KIF24: variants seen among roughly 807,000 people sequenced by gnomAD.
KIF24 encodes kinesin family member 24, also known as kinesin-like protein KIF24.
In KIF24, 81 loss-of-function variants were observed where a neutral mutation model predicts 118.9. That is an observed-to-expected ratio of 0.68 (90% CI 0.57 to 0.82). The LOEUF is 0.82. Ranked by LOEUF, KIF24 falls within the 40% of genes least tolerant of loss-of-function variation. The pLI is 0.00. For synonymous variants in KIF24, 599 were observed against 610.0 expected (o/e 0.98, Z 0.27); for missense variants, 1,560 against 1,661.6 (o/e 0.94, Z 1.06).
intron 6 of KIF24, among the ~76,000 whole-genome samples, chr9:34,275,649 G>A (rs1274855713): frequency 2.0e-5 from 3 of 151,798 alleles, no homozygotes; most frequent in Admixed American, 1.3e-4. Context: ...GACCGTCCTG[G>A]CTAACATGGT....
In KIF24 at chr9:34,318,291, G is replaced by A. The variant is rs60277674; in HGVS notation, c.-25-6920C>T. Reference sequence around the variant, plus strand: ...GGCTATAGAAGAGTAGAATCGTGTCGCGGCTCGAGAGCGAGACTCCCGTCT... The same window carrying A: ...GGCTATAGAAGAGTAGAATCGTGTCACGGCTCGAGAGCGAGACTCCCGTCT... On this transcript the variant is annotated intron_variant, in intron 1 of 12. Transcript: ENST00000402558. This position sits in a 1 kb window ranked among gnomAD's most constrained non-coding sequence, Gnocchi z 4.9. The A allele has an allele frequency of 1.2e-4, 64 of 553,728 alleles. 3 individuals carry two copies. Among genetic ancestry groups the A allele is most frequent in the South Asian group, 9.6e-4 (47 of 49,046 alleles). 34.3% of individuals were successfully genotyped at this position (553,728 alleles called of 1,614,324 possible).
At position 34,269,346 on chromosome 9, in the gene KIF24, A is replaced by C. The variant is rs752724092; in HGVS notation, c.1354T>G (p.Leu452Val). Residue 452 changes from leucine (L) to valine (V), a missense_variant, in exon 8 of 13, where the codon TTG (leucine) becomes GTG (valine). Physicochemically the swap from Leu to Val is conservative, Grantham distance 32 (BLOSUM62 1). Around this residue, in one of 3 missense-constraint regions of KIF24, gnomAD observed 964 missense variants for 988.0 expected, o/e 0.98. Coordinates refer to ENST00000402558, the MANE Select transcript of KIF24 (RefSeq NM_194313.4). The stretch of plus-strand genomic sequence containing the variant: ...TCTGCTGCTCTTTCACTGCCAGCCA[A>C]GTCAATAAAAGAGATCCTAGAGAAA... ...RTFGRISFIDLAGSERAADAR... is the reference protein window; with the variant it reads ...RTFGRISFIDVAGSERAADAR... 1.3e-6 allele frequency: 2 copies of C among 1,595,278 alleles called. No homozygotes were observed. Among genetic ancestry groups the C allele is most frequent in the South Asian group, 1.1e-5 (1 of 90,284 alleles).
rs1834869549 is a variant in KIF24 at position 34,256,908 on chromosome 9, T to C, written c.2699A>G (p.Asn900Ser). Residue 900 changes from asparagine (N) to serine (S), a missense_variant, in exon 11 of 13, where the codon AAC becomes AGC. Around this residue, in one of 3 missense-constraint regions of KIF24, gnomAD observed 591 missense variants for 655.6 expected, o/e 0.90. Coordinates refer to ENST00000402558, the MANE Select transcript of KIF24 (RefSeq NM_194313.4). ...GTGATCGAGTGCTGCTCTTCTGTGG[T>C]TTATGGGGTCCCTGGAGTCCACCCA... ...KSWVDSRDPI[N>S]HRRAALDHSC... The C allele has an allele frequency of 6.2e-7, 1 of 1,613,958 alleles. No homozygotes were observed. Among genetic ancestry groups the C allele is most frequent in the Non-Finnish European group, 8.5e-7 (1 of 1,179,890 alleles).
At chr9:34,313,498 T>C (rs1837234918) in intron 1 of KIF24, among the ~76,000 whole-genome samples, 1 of 151,352 alleles carries the variant, frequency 6.6e-6, no homozygotes, top group South Asian at 2.1e-4. Context: ...TTATTATTAT[T>C]ATTATTATTT....
At chr9:34,259,270 ACTGAG>A (rs1244973643) in intron 10 of KIF24, among the ~76,000 whole-genome samples, 2 of 152,206 alleles carry the variant, frequency 1.3e-5, no homozygotes, top group Non-Finnish European at 2.9e-5. Flanking sequence ...AGAAAACAAC[ACTGAG>A]CCTTCCACCC....
chr9:34,288,653 G>T (rs1482833793), intron 5 of KIF24, among the ~76,000 whole-genome samples: 1 of 151,946 alleles, frequency 6.6e-6, no homozygotes, highest in Non-Finnish European at 1.5e-5. Flanking sequence ...CACAGGCCAT[G>T]ACACTTGTAG....
chr9:34,283,052 CA>C (rs33926979), intron 6 of KIF24, among the ~76,000 whole-genome samples: 2,957 of 68,916 alleles, frequency 0.043, 69 homozygotes, highest in African/African-American at 0.11. Context: ...AACTCCGTCT[CA>C]AAAAAAAAAA....
intron 1 of KIF24, among the ~76,000 whole-genome samples, chr9:34,320,266 A>G (rs7867248): frequency 0.75 from 112,512 of 150,490 alleles, 42,779 homozygotes; most frequent in East Asian, 0.95. Flanking sequence ...GGGGGAACAT[A>G]AGCCTTTGTT....
rs1333785975 is a variant in KIF24 at position 34,259,597 on chromosome 9, G to A, written c.1624C>T (p.Arg542Trp). 7.4e-6 allele frequency: 12 copies of A among 1,611,408 alleles called. No individual in the cohort carries two copies. The highest frequency in any genetic ancestry group is 4.5e-5 in the East Asian group (2 of 44,868). ...HTLNTLRYAD[R>W]VKELKKGIKC... is the part of the protein sequence containing the mutation. ...CCTGCCATCTGGGAGCTGACTTACC[G>A]GTCAGCATAGCGCAAGGTGTTGAGA... Residue 542 changes from arginine (R) to tryptophan (W), a missense_variant and splice_region_variant, in exon 10 of 13, where the codon CGG becomes TGG. Physicochemically the swap from Arg to Trp is moderately radical, Grantham distance 101. Transcript: ENST00000402558.
intron 1 of KIF24, among the ~76,000 whole-genome samples, chr9:34,312,150 C>CATCA (rs1296295136): frequency 1.3e-5 from 2 of 152,180 alleles, no homozygotes; most frequent in Non-Finnish European, 1.5e-5. Context: ...GTAAAGACAT[C>CATCA]ATCAATTCAG....
Position 34,291,559 on chromosome 9 carries a change from C to T in KIF24, c.912-1170G>A, listed in dbSNP as rs924409470. Among the ~76,000 whole-genome samples the T allele has an allele frequency of 2.0e-5, 3 of 152,120 alleles. No homozygotes were observed. In the East Asian group the frequency reaches 5.8e-4, roughly 29 times the overall value. ...GCTCTTGTATGTGGTTACATGTGTG[C>T]GTACACACCCTTTATGAGTGTGAAG... On this transcript the variant is annotated intron_variant, in intron 4 of 12. Coordinates refer to ENST00000402558, the MANE Select transcript of KIF24 (RefSeq NM_194313.4).
At chr9:34,320,658 CAAAAAAA>C (rs68048466) in intron 1 of KIF24, among the ~76,000 whole-genome samples, 4 of 54,442 alleles carry the variant, frequency 7.3e-5, no homozygotes, top group South Asian at 1.0e-3. Flanking sequence ...AACTCCTTCT[CAAAAAAA>C]AAAAAAAAAA....
intron 1 of KIF24, among the ~76,000 whole-genome samples, chr9:34,313,486 TA>T (rs1837234257): frequency 6.6e-6 from 1 of 150,524 alleles, no homozygotes; most frequent in Admixed American, 6.6e-5. Flanking sequence ...TAGAAATTAT[TA>T]TTATTATTAT....
At chr9:34,287,545 T>C (rs896998948) in intron 5 of KIF24, among the ~76,000 whole-genome samples, 3 of 152,164 alleles carry the variant, frequency 2.0e-5, no homozygotes, top group Non-Finnish European at 4.4e-5. Flanking sequence ...AGATACTGAT[T>C]AGGGTTAAGA....
chr9:34,293,811 T>C (rs35618837), intron 4 of KIF24, among the ~76,000 whole-genome samples: 19,432 of 152,164 alleles, frequency 0.13, 1,722 homozygotes, highest in Non-Finnish European at 0.18. Flanking sequence ...TCATCAGGCA[T>C]TGGAGAAACT....
rs1554666572 is a variant in KIF24, at chr9:34,311,765, T to TACATATATAC, written c.-25-395_-25-394insGTATATATGT. On this transcript the variant is annotated intron_variant, in intron 1 of 12. Coordinates refer to ENST00000402558, the MANE Select transcript of KIF24 (RefSeq NM_194313.4). ...ATATATACGTATATATGTGTATATA[T>TACATATATAC]ACATATATATACACATATATATACA... Among the ~76,000 whole-genome samples the TACATATATAC allele has an allele frequency of 9.0e-5, 13 of 145,110 alleles. No homozygotes were observed. In the East Asian group the frequency reaches 1.0e-3, roughly 11 times the overall value.
intron 4 of KIF24, among the ~76,000 whole-genome samples, chr9:34,292,400 G>A (rs182576978): frequency 6.6e-6 from 1 of 151,452 alleles, no homozygotes; most frequent in East Asian, 1.9e-4. Context: ...TTTGCTCTCA[G>A]ATCTTACCCT....
Position 34,293,361 on chromosome 9 carries a change from TC to T in KIF24, c.912-2973del, listed in dbSNP as rs1428266037. On this transcript the variant is annotated intron_variant, in intron 4 of 12. Transcript: ENST00000402558. ...CAGGTGTGGTGGCACACGCCTACAATCCCAGCTACTAGGGTGGCTGAGGCAC... is the reference window on the plus strand; with the variant it reads ...CAGGTGTGGTGGCACACGCCTACAATCCAGCTACTAGGGTGGCTGAGGCAC... Among the ~76,000 whole-genome samples the T allele has an allele frequency of 2.0e-5, 3 of 150,442 alleles. No homozygotes were observed. In the Admixed American group the frequency reaches 2.0e-4, roughly 10 times the overall value.
chr9:34,267,829 G>C (rs1010573290), intron 8 of KIF24, among the ~76,000 whole-genome samples: 9 of 152,156 alleles, frequency 5.9e-5, no homozygotes, highest in African/African-American at 2.2e-4. Flanking sequence ...CGGCTATAGA[G>C]CTTAGCCACC....
Sources: gnomAD v4.1 joint callset for allele counts (sites outside exome capture counted in the v4.1 genomes callset) on GRCh38, gnomAD v4.1.1 for gene constraint, gnomAD v4.1.1 regional missense constraint, Gnocchi (gnomAD v3.1) non-coding constraint, MANE v1.5 for transcripts, NCBI Gene and HGNC (gene_info 2026-07-23, HGNC 2026-07-21) for gene names.